Variants in CHMP5 observed in about 807,000 individuals in gnomAD.
CHMP5 encodes SNF7 domain containing 2.
In CHMP5, 17 loss-of-function variants were observed where a neutral mutation model predicts 33.0. That is an observed-to-expected ratio of 0.52 (90% CI 0.35 to 0.77). The LOEUF (loss-of-function observed/expected upper bound fraction) is 0.77, where lower values mean the gene tolerates loss of function less well. CHMP5 is among the 30% of genes least tolerant of loss of function. The probability of loss-of-function intolerance (pLI) is 0.01; values close to 1 mark genes in which losing one functional copy is unlikely to be tolerated. For missense variants in CHMP5, 216 were observed against 261.5 expected (o/e 0.83, Z 1.20); for synonymous variants, 76 against 90.2 (o/e 0.84, Z 0.89).
At chr9:33,266,289 A>G (rs576763816) in intron 2 of CHMP5, among the ~76,000 whole-genome samples, 175 bp downstream of exon 2, 7 of 152,280 alleles carry the variant, frequency 4.6e-5, no homozygotes, top group Admixed American at 3.9e-4. Context: ...TGGCCAACAT[A>G]GCGAAACCCT....
intron 7 of CHMP5, 107 bp from the exon 8 acceptor site, chr9:33,280,698 TTTGA>T: frequency 1.0e-6 from 1 of 999,160 alleles, no homozygotes; most frequent in East Asian, 2.5e-5. Context: ...CGATTTTGGT[TTTGA>T]TTGATTAAAT....
At chr9:33,277,831 C>G in intron 6 of CHMP5, 1 of 270,732 alleles carries the variant, frequency 3.7e-6, no homozygotes, top group Non-Finnish European at 7.2e-6. Context: ...TTGCCTAGAA[C>G]CTTTCATTTT....
intron 3 of CHMP5, 53 bp downstream of exon 3, chr9:33,267,952 G>C: frequency 1.7e-6 from 2 of 1,207,664 alleles, no homozygotes; most frequent in South Asian, 1.2e-5. Context: ...AAAGAGAAAT[G>C]GTCTTCCATT....
At chr9:33,267,320 A>G (rs918288698) in intron 2 of CHMP5, among the ~76,000 whole-genome samples, 1 of 152,258 alleles carries the variant, frequency 6.6e-6, no homozygotes, top group Non-Finnish European at 1.5e-5. Context: ...CCATGGTGGT[A>G]GGAAACCAAA....
In CHMP5 at chr9:33,266,608, G is replaced by A. The variant is rs902573305; in HGVS notation, c.174+494G>A. Among the ~76,000 whole-genome samples the A allele has an allele frequency of 2.0e-5, 3 of 152,210 alleles. No homozygotes were observed. The South Asian group carries it at 6.2e-4, about 31-fold the overall frequency. The stretch of plus-strand genomic sequence containing the variant: ...AGTTTGCAATCAAATATGGAAGGGA[G>A]GCTGGGGATTGATCTGGTGGAAAGA... On this transcript the variant is annotated intron_variant, in intron 2 of 7. Coordinates refer to ENST00000223500, the MANE Select transcript of CHMP5 (RefSeq NM_016410.6).
chr9:33,277,190 CA>C (rs59657807), intron 6 of CHMP5, among the ~76,000 whole-genome samples: 8,992 of 53,434 alleles, frequency 0.17, 268 homozygotes, highest in African/African-American at 0.29. Flanking sequence ...GACCTTCTCT[CA>C]AAAAAAAAAA....
Position 33,280,921 on chromosome 9 carries a change from A to T in CHMP5, c.*62A>T. The T allele has an allele frequency of 7.2e-7, 1 of 1,385,502 alleles. No individual in the cohort carries two copies. The highest frequency in any genetic ancestry group is 9.9e-7 in the Non-Finnish European group (1 of 1,006,088). 85.8% of individuals were successfully genotyped at this position (1,385,502 alleles called of 1,614,324 possible). ...CATATTATGGGACTAGGAAATATTT[A>T]TCTTTCCAAATTTGCCATAACAGAT... On this transcript the variant is annotated 3_prime_UTR_variant, in exon 8 of 8. Coordinates refer to ENST00000223500, the MANE Select transcript of CHMP5 (RefSeq NM_016410.6).
Position 33,270,980 on chromosome 9 carries a change from T to G in CHMP5, c.316-172T>G, listed in dbSNP as rs561416252. Among the ~76,000 whole-genome samples the G allele has an allele frequency of 4.0e-5, 6 of 151,716 alleles. 1 individual carries two copies. In the South Asian group the frequency reaches 1.3e-3, roughly 32 times the overall value. The stretch of plus-strand genomic sequence containing the variant: ...ACCTGTAATCCCAGCTACCTGGGAG[T>G]CTGAGGCAGGAGAATCACTTGAACC... On this transcript the variant is annotated intron_variant, in intron 4 of 7. Transcript: ENST00000223500.
intron 4 of CHMP5, 54 bp from the exon 5 acceptor site, chr9:33,271,098 A>T: frequency 7.5e-7 from 1 of 1,329,138 alleles, no homozygotes; most frequent in Non-Finnish European, 1.1e-6. Context: ...AAATAAAGAC[A>T]ATTTAACCAA....
At chr9:33,277,059 G>T (rs1409448015) in intron 6 of CHMP5, among the ~76,000 whole-genome samples, 2 of 151,886 alleles carry the variant, frequency 1.3e-5, no homozygotes, top group Non-Finnish European at 2.9e-5. Context: ...ACCCAGGCAT[G>T]GTGGTGTGCG....
At chr9:33,268,681 G>A (rs1820757412) in intron 3 of CHMP5, among the ~76,000 whole-genome samples, 3 of 152,130 alleles carry the variant, frequency 2.0e-5, no homozygotes, top group Admixed American at 2.0e-4. Context: ...CTTAATTGGT[G>A]GCATTGCTAG....
intron 5 of CHMP5, among the ~76,000 whole-genome samples, chr9:33,273,886 CT>C (rs1820823382): frequency 6.6e-6 from 1 of 151,988 alleles, no homozygotes; most frequent in Non-Finnish European, 1.5e-5. Flanking sequence ...ATAAGCTTGA[CT>C]TGATTAGCTT....
chr9:33,281,126 TTAA>T lies in CHMP5; in HGVS notation c.*275_*277del, dbSNP rs1336907504. The T allele has an allele frequency of 5.6e-6, 2 of 356,762 alleles. No homozygotes were observed. The highest frequency in any genetic ancestry group is 1.0e-5 in the Non-Finnish European group (2 of 199,922). 22.1% of individuals were successfully genotyped at this position (356,762 alleles called of 1,614,324 possible). ...AGCTCGTATGACTTGTTTTCATTCA[TTAA>T]TAATAATTTGAAATAAAACTAAGGA... On this transcript the variant is annotated 3_prime_UTR_variant, in exon 8 of 8. Transcript: ENST00000223500.
At position 33,281,674 on chromosome 9, in the gene CHMP5, G is replaced by T. The variant is rs948344375; in HGVS notation, c.*815G>T. ...GGAACAATCTGGGCTTGGGCCCTGGGTCTACCATTTACTAACTACTGAGTA... is the reference window on the plus strand; with the variant it reads ...GGAACAATCTGGGCTTGGGCCCTGGTTCTACCATTTACTAACTACTGAGTA... On this transcript the variant is annotated 3_prime_UTR_variant, in exon 8 of 8. Transcript: ENST00000223500. 3 of 152,174 alleles carry T rather than the reference G, an allele frequency of 2.0e-5. No homozygotes were observed. The highest frequency in any genetic ancestry group is 7.2e-5 in the African/African-American group (3 of 41,434). 9.4% of individuals were successfully genotyped at this position (152,174 alleles called of 1,614,324 possible). A position where few individuals can be genotyped will look rare whatever the true frequency, so the allele number is the denominator to read the frequency against.
intron 5 of CHMP5, among the ~76,000 whole-genome samples, chr9:33,273,002 T>C (rs1050294493): frequency 1.3e-5 from 2 of 152,170 alleles, no homozygotes; most frequent in African/African-American, 4.8e-5. Context: ...AGACAGAGTC[T>C]CGTTCTGTCA....
chr9:33,280,912 G>T lies in CHMP5; in HGVS notation c.*53G>T. 2 of 1,447,250 alleles carry T rather than the reference G, an allele frequency of 1.4e-6. No individual in the cohort carries two copies. The highest frequency in any genetic ancestry group is 1.9e-6 in the Non-Finnish European group (2 of 1,055,884). The allele number at this position is 1,447,250 out of a possible 1,614,324, so 89.7% of individuals were successfully genotyped here. ...AAACAAACACATATTATGGGACTAG[G>T]AAATATTTATCTTTCCAAATTTGCC... On this transcript the variant is annotated 3_prime_UTR_variant, in exon 8 of 8. Transcript: ENST00000223500.
intron 6 of CHMP5, 94 bp from the exon 7 acceptor site, chr9:33,278,019 G>A: frequency 1.3e-6 from 1 of 756,252 alleles, no homozygotes. Context: ...CCTCTTCACT[G>A]CCTTCTTTCA....
In CHMP5 at chr9:33,266,054, G is replaced by A. The variant is rs982372781; in HGVS notation, c.114G>A (p.Leu38=). 2.5e-6 allele frequency: 4 copies of A among 1,613,316 alleles called. No homozygotes were observed. The highest frequency in any genetic ancestry group is 2.5e-6 in the Non-Finnish European group (3 of 1,179,502). Residue 38 remains leucine (L), a synonymous_variant, in exon 2 of 8, where the codon TTG becomes TTA. Coordinates refer to ENST00000223500, the MANE Select transcript of CHMP5 (RefSeq NM_016410.6). ...CCATTGACAAGAAGATTTCTCGATT[G>A]GATGCTGAGCTAGTGAAGTATAAGG... ...AESIDKKISR[L]DAELVKYKDQ...
At chr9:33,270,501 A>AT (rs1820780862) in intron 3 of CHMP5, 122 bp from the exon 4 acceptor site, 2 of 756,060 alleles carry the variant, frequency 2.6e-6, no homozygotes, top group African/African-American at 1.8e-5. Context: ...GTGATACCTA[A>AT]TTTTTAAGTT....
Sources: gnomAD v4.1 joint callset for allele counts (sites outside exome capture counted in the v4.1 genomes callset) on GRCh38, gnomAD v4.1.1 for gene constraint, MANE v1.5 for transcripts, NCBI Gene and HGNC (gene_info 2026-07-23, HGNC 2026-07-21) for gene names.